The following GOLGA8N variants were observed in gnomAD, a reference collection of about 807,000 sequenced individuals.
GOLGA8N encodes the protein golgin subfamily A member 8N.
In GOLGA8N, 2 loss-of-function variants were observed where a neutral mutation model predicts 22.0. The observed-to-expected ratio is 0.09, with a 90% CI of 0.04 to 0.29. The LOEUF is 0.29. Ranked by LOEUF, GOLGA8N falls within the 10% of genes least tolerant of loss-of-function variation. The pLI, the probability that GOLGA8N is intolerant of heterozygous loss-of-function variation, is 1.00. For synonymous variants in GOLGA8N, 2 were observed against 58.7 expected, an observed-to-expected ratio of 0.03 and a Z score of 4.41; for missense variants, 10 against 164.7, an observed-to-expected ratio of 0.06 and a Z score of 5.14.
exon 19 of GOLGA8N, chr15:32,604,427 G>GCTCTTC (rs1377605909): frequency 3.8e-6 from 1 of 266,634 alleles, no homozygotes; most frequent in East Asian, 1.2e-4. Flanking sequence ...ATCACAGTGA[G>GCTCTTC]CTCTTCCTTA....
chr15:32,599,227 TTG>T lies in GOLGA8N; in HGVS notation c.594_595del (p.Leu198PhefsTer42). The T allele has an allele frequency of 4.2e-6, 1 of 238,864 alleles. No individual in the cohort carries two copies. The highest frequency in any genetic ancestry group is 7.7e-6 in the Non-Finnish European group (1 of 130,138). The allele number at this position is 238,864 out of a possible 1,614,324, so 14.8% of individuals were successfully genotyped here. On this transcript the variant is annotated frameshift_variant and splice_region_variant, in exon 9 of 19. Coordinates refer to ENST00000448387, the Ensembl canonical transcript of GOLGA8N. LOFTEE classifies it high-confidence loss of function. ...AAACTTCTCACTCTTCACCATCCAG[TTG>T]TCCAGCTGCAGCAAAGCACATACAG... is the stretch of plus-strand genomic sequence containing the variant.
exon 19 of GOLGA8N, chr15:32,605,198 T>A (rs2052918493): frequency 7.9e-6 from 1 of 127,100 alleles, no homozygotes; most frequent in Admixed American, 8.6e-5. Flanking sequence ...TATAGGAATT[T>A]ACTTCTTTTT....
exon 19 of GOLGA8N, chr15:32,606,436 T>C (rs1345055449): frequency 6.8e-6 from 1 of 146,202 alleles, no homozygotes; most frequent in Non-Finnish European, 1.5e-5. Flanking sequence ...TTGTCATATA[T>C]TTAAGAAAAC....
chr15:32,606,885 ACTG>A (rs2052941663), exon 19 of GOLGA8N: 1 of 150,688 alleles, frequency 6.6e-6, no homozygotes, highest in Admixed American at 6.6e-5. Flanking sequence ...AAAAAATGTA[ACTG>A]CTATCTTAAT....
chr15:32,605,220 A>C (rs2140421092), exon 19 of GOLGA8N: 1 of 146,160 alleles, frequency 6.8e-6, no homozygotes, highest in South Asian at 2.2e-4. Context: ...TTTGAATGGA[A>C]AACACTTTAA....
exon 19 of GOLGA8N, chr15:32,606,795 T>C (rs1323953107): frequency 6.6e-6 from 1 of 151,790 alleles, no homozygotes. Flanking sequence ...TTCAGAAAAT[T>C]TGAAAATGTA....
At chr15:32,605,342 C>G (rs2052920485) in exon 19 of GOLGA8N, 1 of 143,392 alleles carries the variant, frequency 7.0e-6, no homozygotes, top group Non-Finnish European at 1.5e-5. Context: ...GTTTATGAAA[C>G]TTAAAATGTG....
exon 1 of GOLGA8N, chr15:32,593,598 A>G (rs2052784099): frequency 6.5e-7 from 1 of 1,539,810 alleles, no homozygotes; most frequent in South Asian, 1.2e-5. Flanking sequence ...CAGCCAAGAA[A>G]AAGGTAAAAA....
chr15:32,595,623 CA>C (rs1232721187), intron 2 of GOLGA8N, among the ~76,000 whole-genome samples: 2 of 88,840 alleles, frequency 2.3e-5, no homozygotes, highest in Non-Finnish European at 4.5e-5. Context: ...ACTAAAAATA[CA>C]AAAACATTAG....
chr15:32,598,081 C>T (rs201031622), exon 8 of GOLGA8N: 124,016 of 1,259,872 alleles, frequency 0.098, 30,250 homozygotes, highest in African/African-American at 0.28. Flanking sequence ...AGTCCAAGGA[C>T]CTGGCTGTCC....
chr15:32,603,338 GC>G, intron 16 of GOLGA8N, 30 bp from the exon 17 acceptor site: 1 of 1,070,554 alleles, frequency 9.3e-7, no homozygotes, highest in Non-Finnish European at 1.4e-6. Flanking sequence ...CATCAGAGGG[GC>G]CCCAGAATCT....
exon 1 of GOLGA8N, chr15:32,593,590 G>T (rs1225115258): frequency 1.3e-6 from 2 of 1,545,754 alleles, no homozygotes; most frequent in Non-Finnish European, 1.7e-6. Flanking sequence ...ATTGGCTGCA[G>T]CCAAGAAAAA....
chr15:32,606,956 ATGG>A (rs1183779230), exon 19 of GOLGA8N: 1 of 151,058 alleles, frequency 6.6e-6, no homozygotes, highest in Non-Finnish European at 1.5e-5. Context: ...AAAGAAAGAA[ATGG>A]TGGGAACGAA....
At chr15:32,606,792 A>C (rs1332773747) in exon 19 of GOLGA8N, 1 of 151,992 alleles carries the variant, frequency 6.6e-6, no homozygotes, top group Admixed American at 6.5e-5. Flanking sequence ...GATTTCAGAA[A>C]ATTTGAAAAT....
chr15:32,595,926 GA>G (rs1239281122), intron 2 of GOLGA8N, among the ~76,000 whole-genome samples: 1 of 150,306 alleles, frequency 6.7e-6, no homozygotes, highest in East Asian at 1.9e-4. Context: ...TTCCATTTGT[GA>G]AGTTTAAATG....
At chr15:32,598,074 C>G in exon 8 of GOLGA8N, 1 of 1,293,372 alleles carries the variant, frequency 7.7e-7, no homozygotes, top group Non-Finnish European at 1.0e-6. Context: ...ACAGAAGAGT[C>G]CAAGGACCTG....
exon 19 of GOLGA8N, chr15:32,606,460 G>T (rs2052934642): frequency 6.7e-6 from 1 of 150,274 alleles, no homozygotes. Context: ...AAAAAGAATG[G>T]AAATTGTATG....
chr15:32,593,862 T>C, intron 1 of GOLGA8N: 1 of 1,398,982 alleles, frequency 7.1e-7, no homozygotes. Context: ...TGGGCCGTCA[T>C]CTCCTGCCGC....
At chr15:32,604,521 TAA>T (rs941270177) in exon 19 of GOLGA8N, 1 of 123,720 alleles carries the variant, frequency 8.1e-6, no homozygotes, top group African/African-American at 3.1e-5. Context: ...TAGAGTTGTT[TAA>T]AGGCCAAGAA....
Sources: allele counts gnomAD v4.1 joint callset (sites outside exome capture counted in the v4.1 genomes callset), GRCh38; gene constraint gnomAD v4.1.1; transcripts MANE v1.5; gene names NCBI Gene and HGNC (gene_info 2026-07-23, HGNC 2026-07-21).